Variants in SAE1 observed in about 807,000 individuals in gnomAD.
SAE1 encodes the protein SUMO-activating enzyme subunit 1.
Under a neutral mutation model 40.6 loss-of-function variants are expected in SAE1, and 11 were observed. The ratio of observed to expected loss-of-function variants is 0.27; its 90% CI spans 0.17 to 0.45. The LOEUF is 0.45. Ranked by LOEUF, SAE1 falls within the 20% of genes least tolerant of loss-of-function variation. The pLI is 1.00. For synonymous variants in SAE1, 155 were observed against 154.3 expected (o/e 1.00, Z -0.03); for missense variants, 373 against 427.3 (o/e 0.87, Z 1.12).
chr19:47,204,953 A>T (rs1293452147), intron 8 of SAE1, among the ~76,000 whole-genome samples: 2 of 152,180 alleles, frequency 1.3e-5, no homozygotes, highest in African/African-American at 2.4e-5. Flanking sequence ...GAAGCATCTT[A>T]TACAGGGTCA....
intron 6 of SAE1, among the ~76,000 whole-genome samples, chr19:47,176,974 G>T (rs1291719256): frequency 6.6e-6 from 1 of 152,170 alleles, no homozygotes; most frequent in Admixed American, 6.6e-5. Context: ...ACCGAGTCTG[G>T]TATGGAAACA....
intron 5 of SAE1, 36 bp downstream of exon 5, chr19:47,155,249 G>GACCCCTCCAAGGCCCCA: frequency 1.4e-6 from 2 of 1,444,486 alleles, no homozygotes; most frequent in Non-Finnish European, 1.9e-6. Context: ...CAGAAACCCT[G>GACCCCTCCAAGGCCCCA]GGGCCTTGGA....
At chr19:47,132,780 C>G (rs1776581623) in intron 1 of SAE1, among the ~76,000 whole-genome samples, 1 of 151,460 alleles carries the variant, frequency 6.6e-6, no homozygotes, top group South Asian at 2.1e-4. Flanking sequence ...CCCAGCTTGT[C>G]AGGAGACTGA....
At chr19:47,179,703 TACAGGCATGCAATACC>T (rs908143432) in intron 6 of SAE1, among the ~76,000 whole-genome samples, 5 of 152,026 alleles carry the variant, frequency 3.3e-5, no homozygotes, top group African/African-American at 1.2e-4. Flanking sequence ...TAGCAGGGAT[TACAGGCATGCAATACC>T]ACACCCAGCT....
intron 6 of SAE1, among the ~76,000 whole-genome samples, chr19:47,181,993 C>G (rs2123279595): frequency 6.6e-6 from 1 of 151,872 alleles, no homozygotes; most frequent in African/African-American, 2.4e-5. Flanking sequence ...ACTCCATGGC[C>G]TAGGCTGGTC....
chr19:47,201,007 G>GGTA (rs2058650617), intron 7 of SAE1, among the ~76,000 whole-genome samples: 1 of 151,742 alleles, frequency 6.6e-6, no homozygotes, highest in African/African-American at 2.4e-5. Flanking sequence ...ACGGGCATAC[G>GGTA]CCACCATGCC....
rs193110769 is a variant in SAE1 at position 47,208,520 on chromosome 19, A to C, written c.949-639A>C. On this transcript the variant is annotated intron_variant, in intron 8 of 8. Transcript: ENST00000270225. The stretch of plus-strand genomic sequence containing the variant: ...CGGTGGCGCAATCTCAGTTTACTGC[A>C]ACCTCTGCCTCCTGGGTTCAAGCAA... Among the ~76,000 whole-genome samples the C allele has an allele frequency of 2.1e-3, 312 of 152,078 alleles. 2 individuals are homozygous for C. The highest frequency in any genetic ancestry group is 3.6e-3 in the Non-Finnish European group (243 of 67,976).
In SAE1 at chr19:47,184,732, C is replaced by A. The variant is rs772669216; in HGVS notation, c.734-12501C>A. On this transcript the variant is annotated intron_variant, in intron 6 of 8. Coordinates refer to ENST00000270225, the MANE Select transcript of SAE1 (RefSeq NM_005500.3). ...GGCCTCGTTCTGTCGTATTTTTTTA[C>A]GTAGGAGAGCTCAGTCTGAATGTAG... Among the ~76,000 whole-genome samples the A allele has an allele frequency of 3.9e-5, 6 of 152,024 alleles. No homozygotes were observed. The East Asian group carries it at 1.2e-3, about 29-fold the overall frequency.
intron 1 of SAE1, among the ~76,000 whole-genome samples, chr19:47,140,260 C>A (rs1850412349): frequency 6.6e-6 from 1 of 151,878 alleles, no homozygotes; most frequent in African/African-American, 2.4e-5. Flanking sequence ...GCGCCCGCCA[C>A]CATGCCCAGC....
At chr19:47,203,326 A>AGAGAATTGCGAGAATGTGAC (rs1338481763) in intron 7 of SAE1, among the ~76,000 whole-genome samples, 1 of 152,198 alleles carries the variant, frequency 6.6e-6, no homozygotes, top group Admixed American at 6.6e-5. Flanking sequence ...ATGGGTAAGA[A>AGAGAATTGCGAGAATGTGAC]GAGAATTGCG....
intron 2 of SAE1, among the ~76,000 whole-genome samples, chr19:47,144,526 C>T (rs985978630): frequency 6.6e-6 from 1 of 151,618 alleles, no homozygotes; most frequent in Non-Finnish European, 1.5e-5. Context: ...GGTGAAACCC[C>T]ATCACTACTA....
intron 8 of SAE1, among the ~76,000 whole-genome samples, chr19:47,204,442 C>T (rs1389970742): frequency 6.6e-6 from 1 of 151,126 alleles, no homozygotes; most frequent in African/African-American, 2.4e-5. Flanking sequence ...TCGTGATCTG[C>T]CCACCTCAGC....
At position 47,131,171 on chromosome 19, in the gene SAE1, G is replaced by T; in HGVS notation, c.98+143G>T. 2.8e-6 allele frequency: 4 copies of T among 1,405,074 alleles called. No homozygotes were observed. The South Asian group carries it at 6.3e-5, about 22-fold the overall frequency. The allele number at this position is 1,405,074 out of a possible 1,614,324, so 87.0% of individuals were successfully genotyped here. A position where few individuals can be genotyped will look rare whatever the true frequency, so the allele number is the denominator to read the frequency against. ...GCTCTGGGATCGTCTCTCTCTTGGG[G>T]GGACTGGAGGAGTTGATTGGGGATG... On this transcript the variant is annotated intron_variant, in intron 1 of 8. Coordinates refer to ENST00000270225, the MANE Select transcript of SAE1 (RefSeq NM_005500.3).
intron 1 of SAE1, among the ~76,000 whole-genome samples, chr19:47,138,289 C>A (rs1275966981): frequency 6.6e-6 from 1 of 152,176 alleles, no homozygotes; most frequent in East Asian, 1.9e-4. Flanking sequence ...GGTGATCTAC[C>A]CGCCTCAGCC....
chr19:47,165,143 G>A (rs1403859983), intron 5 of SAE1, among the ~76,000 whole-genome samples: 2 of 141,422 alleles, frequency 1.4e-5, no homozygotes, highest in Admixed American at 7.5e-5. Context: ...GAGTACAGTG[G>A]TTTGATTGTG....
At chr19:47,171,636 AT>A (rs2058434060) in intron 6 of SAE1, among the ~76,000 whole-genome samples, 1 of 149,688 alleles carries the variant, frequency 6.7e-6, no homozygotes, top group Non-Finnish European at 1.5e-5. Context: ...TATTTTTAGT[AT>A]TTTTGTATTT....
chr19:47,166,152 A>G (rs1392139581), intron 5 of SAE1, among the ~76,000 whole-genome samples: 1 of 152,138 alleles, frequency 6.6e-6, no homozygotes, highest in Non-Finnish European at 1.5e-5. Flanking sequence ...CCTTGTCACA[A>G]TGTCTGAATG....
chr19:47,137,495 A>G (rs561623573), intron 1 of SAE1, among the ~76,000 whole-genome samples: 4 of 152,302 alleles, frequency 2.6e-5, no homozygotes, highest in Admixed American at 2.6e-4. Context: ...ATAGTTGACA[A>G]TTACAACTAA....
At chr19:47,144,656 G>A (rs1367659103) in intron 2 of SAE1, among the ~76,000 whole-genome samples, 1 of 148,910 alleles carries the variant, frequency 6.7e-6, no homozygotes, top group African/African-American at 2.5e-5. Flanking sequence ...CCGAGATCAT[G>A]CCACTGCACT....
Sources: allele counts gnomAD v4.1 joint callset (sites outside exome capture counted in the v4.1 genomes callset), GRCh38; gene constraint gnomAD v4.1.1; transcripts MANE v1.5; gene names NCBI Gene and HGNC (gene_info 2026-07-23, HGNC 2026-07-21).